DDX10: variants seen among roughly 807,000 people sequenced by gnomAD.
The protein encoded by DDX10 is DEAD-box helicase 10, also known as probable ATP-dependent RNA helicase DDX10.
A neutral mutation model predicts 104.3 loss-of-function variants in DDX10; 74 were observed. The ratio of observed to expected loss-of-function variants is 0.71; its 90% CI spans 0.59 to 0.86. The LOEUF is 0.86. Among genes scored for constraint, DDX10 ranks in the 40% least tolerant of loss-of-function variants. The pLI is 0.00. For missense variants in DDX10, 952 were observed against 1,040.0 expected (o/e 0.92, Z 1.16); for synonymous variants, 351 against 353.4 (o/e 0.99, Z 0.08).
chr11:108,703,475 G>A (rs368882145), intron 9 of DDX10, among the ~76,000 whole-genome samples: 17 of 151,994 alleles, frequency 1.1e-4, no homozygotes, highest in African/African-American at 2.4e-4. Context: ...GACTACAGCC[G>A]TGTGCCACCA....
At position 108,838,546 on chromosome 11, in the gene DDX10, C is replaced by T. The variant is rs1565294397; in HGVS notation, c.2066C>T (p.Thr689Ile). ...AATTTTAAAGTGAATAAGAAGATAA[C>T]ATTTACTGATGAAGGGGAGGTAAGA... ...KRNFKVNKKI[T>I]FTDEGELVQQ... Residue 689 changes from threonine to isoleucine, a missense_variant, in exon 14 of 18, where the codon ACA becomes ATA. By Grantham distance (89) the Thr-to-Ile change is moderately conservative (BLOSUM62 -1). Coordinates refer to ENST00000322536, the MANE Select transcript of DDX10 (RefSeq NM_004398.4). The T allele has an allele frequency of 2.5e-6, 4 of 1,610,484 alleles. No homozygotes were observed. Among genetic ancestry groups the T allele is most frequent in the Admixed American group, 3.4e-5 (2 of 59,616 alleles).
intron 13 of DDX10, among the ~76,000 whole-genome samples, chr11:108,786,321 A>C (rs553240732): frequency 6.6e-6 from 1 of 151,672 alleles, no homozygotes; most frequent in Non-Finnish European, 1.5e-5. Flanking sequence ...AACAATGTAT[A>C]TTCTATGGTT....
At chr11:108,785,747 T>C (rs895174800) in intron 13 of DDX10, among the ~76,000 whole-genome samples, 3 of 152,204 alleles carry the variant, frequency 2.0e-5, no homozygotes, top group African/African-American at 7.2e-5. Context: ...TCCAATCTTT[T>C]ATATTTCTGT....
intron 16 of DDX10, among the ~76,000 whole-genome samples, chr11:108,907,131 T>A (rs1429265922): frequency 6.6e-6 from 1 of 152,180 alleles, no homozygotes; most frequent in Non-Finnish European, 1.5e-5. Context: ...CATGCATTAT[T>A]TATATCACTT....
At chr11:108,675,751 ACTGT>A (rs767566199) in intron 3 of DDX10, 25 bp downstream of exon 3, 449 of 1,612,318 alleles carry the variant, frequency 2.8e-4, no homozygotes, top group Non-Finnish European at 3.6e-4. Flanking sequence ...ATTGGGTCAG[ACTGT>A]CTGTTATACA....
intron 13 of DDX10, among the ~76,000 whole-genome samples, chr11:108,800,663 A>G (rs1862008721): frequency 6.6e-6 from 1 of 152,156 alleles, no homozygotes; most frequent in Non-Finnish European, 1.5e-5. Context: ...TCAATTGACA[A>G]TCAATATGGG....
intron 17 of DDX10, among the ~76,000 whole-genome samples, chr11:108,923,026 C>A (rs1353035375): frequency 6.6e-6 from 1 of 152,088 alleles, no homozygotes; most frequent in Admixed American, 6.5e-5. Context: ...CTTCTTTATC[C>A]ATCTTATATA....
intron 8 of DDX10, among the ~76,000 whole-genome samples, chr11:108,692,722 T>A (rs2094254570): frequency 6.6e-6 from 1 of 152,140 alleles, no homozygotes; most frequent in South Asian, 2.1e-4. Flanking sequence ...CCTGTCCCTC[T>A]TGGAGTACTC....
intron 13 of DDX10, among the ~76,000 whole-genome samples, chr11:108,817,408 G>C (rs1020098035): frequency 1.2e-4 from 19 of 152,130 alleles, no homozygotes; most frequent in African/African-American, 4.3e-4. Context: ...TCTTTATGTA[G>C]ATCATTGCAT....
chr11:108,731,489 C>T (rs2094312230), intron 13 of DDX10, among the ~76,000 whole-genome samples: 7 of 151,508 alleles, frequency 4.6e-5, no homozygotes, highest in Admixed American at 4.6e-4. Context: ...TGAATGTGAC[C>T]CTGCAACCGT....
intron 13 of DDX10, among the ~76,000 whole-genome samples, chr11:108,787,758 C>A (rs1317263904): frequency 6.6e-6 from 1 of 151,960 alleles, no homozygotes; most frequent in East Asian, 1.9e-4. Context: ...TGGAGAAACC[C>A]CGTCTCTACT....
chr11:108,822,003 A>T (rs932562242), intron 13 of DDX10, among the ~76,000 whole-genome samples: 1 of 152,260 alleles, frequency 6.6e-6, no homozygotes, highest in Admixed American at 6.5e-5. Flanking sequence ...ATAACCAGTT[A>T]TATAAATCTA....
At chr11:108,793,277 A>C (rs1040099696) in intron 13 of DDX10, among the ~76,000 whole-genome samples, 1 of 152,202 alleles carries the variant, frequency 6.6e-6, no homozygotes, top group Non-Finnish European at 1.5e-5. Flanking sequence ...AAATAGGCTT[A>C]TTCTTTCACA....
intron 13 of DDX10, among the ~76,000 whole-genome samples, chr11:108,755,621 G>T (rs2094343518): frequency 6.6e-6 from 1 of 151,900 alleles, no homozygotes; most frequent in East Asian, 1.9e-4. Flanking sequence ...GATATTTTAT[G>T]GATGGTTCTT....
chr11:108,800,822 A>G (rs568373803), intron 13 of DDX10, among the ~76,000 whole-genome samples: 1 of 152,340 alleles, frequency 6.6e-6, no homozygotes, highest in South Asian at 2.1e-4. Context: ...TTCACTCTAC[A>G]TTATGATTTT....
At chr11:108,903,863 T>A (rs879878039) in intron 16 of DDX10, among the ~76,000 whole-genome samples, 1 of 152,184 alleles carries the variant, frequency 6.6e-6, no homozygotes, top group Non-Finnish European at 1.5e-5. Context: ...CTGACTGTTA[T>A]AAATAATGCT....
At chr11:108,770,458 CT>C (rs200248396) in intron 13 of DDX10, among the ~76,000 whole-genome samples, 9 of 150,550 alleles carry the variant, frequency 6.0e-5, no homozygotes, top group East Asian at 2.0e-4. Flanking sequence ...TTTCTAACCA[CT>C]TTTTTTTTGT....
At chr11:108,796,417 T>G (rs1325497768) in intron 13 of DDX10, among the ~76,000 whole-genome samples, 3 of 152,174 alleles carry the variant, frequency 2.0e-5, no homozygotes, top group Non-Finnish European at 4.4e-5. Context: ...TTCCACTGAG[T>G]CTTGAATTAA....
At chr11:108,907,332 CTT>C (rs58465136) in intron 16 of DDX10, among the ~76,000 whole-genome samples, 9 of 145,054 alleles carry the variant, frequency 6.2e-5, no homozygotes, top group East Asian at 2.0e-4. Context: ...TCCATTGCCT[CTT>C]TTTTTTTTTT....
Sources: allele counts gnomAD v4.1 joint callset (sites outside exome capture counted in the v4.1 genomes callset), GRCh38; gene constraint gnomAD v4.1.1; transcripts MANE v1.5; gene names NCBI Gene and HGNC (gene_info 2026-07-23, HGNC 2026-07-21).